The following CSGALNACT1 variants were observed in gnomAD, a reference collection of about 807,000 sequenced individuals.
CSGALNACT1 encodes the protein chondroitin sulfate N-acetylgalactosaminyltransferase 1.
Under a neutral mutation model 51.0 loss-of-function variants are expected in CSGALNACT1, and 52 were observed. The ratio of observed to expected loss-of-function variants is 1.02; its 90% CI spans 0.82 to 1.29. The LOEUF is 1.29. CSGALNACT1 is among the 50% of genes most tolerant of loss of function. CSGALNACT1 has a pLI of 0.00. For missense variants in CSGALNACT1, 935 were observed against 679.2 expected, an observed-to-expected ratio of 1.38 and a Z score of -4.19; for synonymous variants, 341 against 254.4, an observed-to-expected ratio of 1.34 and a Z score of -3.24.
At chr8:19,624,947 G>T (rs1334482312) in intron 1 of CSGALNACT1, among the ~76,000 whole-genome samples, 4 of 152,176 alleles carry the variant, frequency 2.6e-5, no homozygotes, top group Non-Finnish European at 4.4e-5. Context: ...AAAATGCCGG[G>T]ATTACAGGCG....
chr8:19,716,373 C>G (rs574943157), intron 1 of CSGALNACT1, among the ~76,000 whole-genome samples: 1 of 152,156 alleles, frequency 6.6e-6, no homozygotes, highest in Non-Finnish European at 1.5e-5. Flanking sequence ...CCTGTGTTGT[C>G]AATCTTGGCT....
chr8:19,730,712 A>G (rs1281094549), intron 1 of CSGALNACT1, among the ~76,000 whole-genome samples: 4 of 152,134 alleles, frequency 2.6e-5, no homozygotes, highest in Non-Finnish European at 5.9e-5. Flanking sequence ...CCTGGATAGG[A>G]GCGAAATGGC....
chr8:19,540,984 C>T lies in CSGALNACT1; in HGVS notation c.-296-34854G>A, dbSNP rs541435661. On this transcript the variant is annotated intron_variant, in intron 3 of 9. Transcript: ENST00000454498. Reference sequence around the variant, plus strand: ...CCTACCCTGTCCCCAGACTGTAGGTCATTTAAAGAAAGAATGACATCTTAA... The same window carrying T: ...CCTACCCTGTCCCCAGACTGTAGGTTATTTAAAGAAAGAATGACATCTTAA... 7.2e-5 allele frequency among the ~76,000 whole-genome samples: 11 copies of T among 152,318 alleles called. No individual in the cohort carries two copies. The East Asian group carries it at 2.1e-3, about 29-fold the overall frequency.
intron 1 of CSGALNACT1, among the ~76,000 whole-genome samples, chr8:19,614,733 T>G: frequency 6.6e-6 from 1 of 152,228 alleles, no homozygotes; most frequent in Admixed American, 6.5e-5. Flanking sequence ...ACATAGTTTA[T>G]GTGTTCCAAA....
chr8:19,449,129 T>C (rs188674422), intron 5 of CSGALNACT1, among the ~76,000 whole-genome samples: 27 of 152,296 alleles, frequency 1.8e-4, no homozygotes, highest in Non-Finnish European at 3.4e-4. Context: ...TTCCTGACTG[T>C]CCATTTCAAA....
At chr8:19,450,436 G>T (rs1364030741) in intron 5 of CSGALNACT1, among the ~76,000 whole-genome samples, 2 of 152,096 alleles carry the variant, frequency 1.3e-5, no homozygotes, top group African/African-American at 4.8e-5. Context: ...AGCTCCCTCT[G>T]TTACCAGCCA....
chr8:19,674,484 G>A (rs754447062), intron 1 of CSGALNACT1, among the ~76,000 whole-genome samples: 1 of 152,166 alleles, frequency 6.6e-6, no homozygotes, highest in Non-Finnish European at 1.5e-5. Context: ...CAGATTCAAA[G>A]GTGAAGGCGA....
chr8:19,570,889 G>T (rs2042887243), intron 3 of CSGALNACT1, among the ~76,000 whole-genome samples: 1 of 152,166 alleles, frequency 6.6e-6, no homozygotes, highest in Non-Finnish European at 1.5e-5. Context: ...GCCAGCCTGG[G>T]CAATGGAGCA....
At chr8:19,533,606 G>A (rs140693760) in intron 3 of CSGALNACT1, among the ~76,000 whole-genome samples, 1 of 151,980 alleles carries the variant, frequency 6.6e-6, no homozygotes, top group South Asian at 2.1e-4. Flanking sequence ...GAATATTTTT[G>A]ATCATATCTT....
chr8:19,594,191 A>C (rs1564188784), intron 2 of CSGALNACT1, among the ~76,000 whole-genome samples: 3 of 152,186 alleles, frequency 2.0e-5, no homozygotes, highest in African/African-American at 7.2e-5. Flanking sequence ...ACTGCTAGAG[A>C]ACATCAGTAT....
chr8:19,428,784 C>G (rs2059177456), intron 6 of CSGALNACT1, among the ~76,000 whole-genome samples: 1 of 150,768 alleles, frequency 6.6e-6, no homozygotes. Context: ...GTGTTTAAGA[C>G]ATTGATTAGG....
At chr8:19,470,647 G>A (rs373447608) in intron 4 of CSGALNACT1, among the ~76,000 whole-genome samples, 11 of 152,074 alleles carry the variant, frequency 7.2e-5, no homozygotes, top group Non-Finnish European at 1.3e-4. Flanking sequence ...GAAATGTAAG[G>A]GGATGATTCG....
intron 4 of CSGALNACT1, among the ~76,000 whole-genome samples, chr8:19,483,093 T>C (rs2071897443): frequency 6.6e-6 from 1 of 152,224 alleles, no homozygotes; most frequent in South Asian, 2.1e-4. Context: ...CCTCAGGGTC[T>C]CTGGAATCAC....
At chr8:19,712,001 G>A (rs1036777882) in intron 1 of CSGALNACT1, among the ~76,000 whole-genome samples, 14 of 152,154 alleles carry the variant, frequency 9.2e-5, no homozygotes, top group Admixed American at 6.6e-4. Context: ...AATAAGTGGT[G>A]AAGCCGGGGT....
At chr8:19,413,781 G>A (rs1013213856) in intron 8 of CSGALNACT1, among the ~76,000 whole-genome samples, 13 of 152,148 alleles carry the variant, frequency 8.5e-5, no homozygotes, top group African/African-American at 2.7e-4. Context: ...TGTGCATGTC[G>A]GATGCCGTGG....
At chr8:19,666,887 G>GAGAGGA (rs2059295689) in intron 1 of CSGALNACT1, among the ~76,000 whole-genome samples, 2 of 125,010 alleles carry the variant, frequency 1.6e-5, no homozygotes, top group African/African-American at 6.6e-5. Context: ...GAAAGAAAGA[G>GAGAGGA]AGAGAGGAAG....
At chr8:19,578,105 C>T (rs977677229) in intron 3 of CSGALNACT1, among the ~76,000 whole-genome samples, 7 of 152,202 alleles carry the variant, frequency 4.6e-5, no homozygotes, top group African/African-American at 9.6e-5. Flanking sequence ...GTGGTCCAGG[C>T]GCAGGTGGCA....
intron 3 of CSGALNACT1, among the ~76,000 whole-genome samples, chr8:19,538,692 C>T (rs1481188775): frequency 6.6e-6 from 1 of 152,132 alleles, no homozygotes; most frequent in Non-Finnish European, 1.5e-5. Flanking sequence ...ATGACTTATA[C>T]TTTGGGCAAG....
intron 3 of CSGALNACT1, among the ~76,000 whole-genome samples, chr8:19,569,527 A>AG (rs2042566372): frequency 6.6e-6 from 1 of 151,706 alleles, no homozygotes; most frequent in South Asian, 2.1e-4. Context: ...AAAAAAAAAA[A>AG]TCTACTTTTA....
Sources: gnomAD v4.1 joint callset for allele counts (sites outside exome capture counted in the v4.1 genomes callset) on GRCh38, gnomAD v4.1.1 for gene constraint, MANE v1.5 for transcripts, NCBI Gene and HGNC (gene_info 2026-07-23, HGNC 2026-07-21) for gene names.